The following ACKR5 variants were observed in gnomAD, a reference collection of about 807,000 sequenced individuals.
The protein encoded by ACKR5 is G protein-coupled receptor 182.
chr12:56,994,756 G>A, the ACKR5 span: 2 of 182,942 alleles, frequency 1.1e-5, no homozygotes, highest in African/African-American at 4.7e-5. Context: ...TGTGTGGTGT[G>A]CGTGTGTGTG....
chr12:56,995,926 G>T, the ACKR5 span: 3 of 1,613,040 alleles, frequency 1.9e-6, no homozygotes, highest in Non-Finnish European at 2.5e-6. The surrounding 1 kb of genome is among the most constrained non-coding windows in gnomAD (Gnocchi z 4.7). Context: ...TCTTCAATGT[G>T]CTGACAGCCT....
the ACKR5 span, chr12:56,996,737 GA>G: frequency 3.3e-6 from 1 of 305,416 alleles, no homozygotes; most frequent in Admixed American, 4.5e-5. Flanking sequence ...GAAGGGAGCT[GA>G]GGCTAAAGAG....
the ACKR5 span, chr12:56,995,324 A>T: frequency 6.2e-7 from 1 of 1,614,038 alleles, no homozygotes. The surrounding 1 kb of genome is among the most constrained non-coding windows in gnomAD (Gnocchi z 4.7). Flanking sequence ...CTTCAACCAC[A>T]CTTTGTCTGA....
chr12:56,996,622 G>A, the ACKR5 span: 5 of 531,044 alleles, frequency 9.4e-6, no homozygotes, highest in African/African-American at 3.8e-5. Flanking sequence ...TATTTGTCTC[G>A]GTCCTTGTGT....
chr12:56,998,052 AC>A, the ACKR5 span: 1 of 152,248 alleles, frequency 6.6e-6, no homozygotes, highest in African/African-American at 2.4e-5. Context: ...TGCAGAATTC[AC>A]ATTGAAAAAG....
At chr12:56,995,694 G>A in the ACKR5 span, 1 of 1,613,810 alleles carries the variant, frequency 6.2e-7, no homozygotes, top group South Asian at 1.1e-5. The surrounding 1 kb of genome is among the most constrained non-coding windows in gnomAD (Gnocchi z 4.7). Flanking sequence ...TCCCCCTCCT[G>A]GCAGCGTTAC....
At chr12:56,994,624 C>T in the ACKR5 span, 7 of 155,272 alleles carry the variant, frequency 4.5e-5, no homozygotes, top group Admixed American at 4.4e-4. Context: ...CCTCCAGGAC[C>T]GAGGGGCTCC....
the ACKR5 span, chr12:56,996,460 G>A: frequency 2.6e-6 from 4 of 1,531,212 alleles, no homozygotes; most frequent in Non-Finnish European, 3.5e-6. Flanking sequence ...TGAAGGAAAA[G>A]GCACAGGTGA....
the ACKR5 span, chr12:56,995,667 T>C: frequency 6.2e-7 from 1 of 1,614,000 alleles, no homozygotes; most frequent in Admixed American, 1.7e-5. This position sits in a 1 kb window ranked among gnomAD's most constrained non-coding sequence, Gnocchi z 4.7. Context: ...GACCGCTATG[T>C]CACCCTCACC....
chr12:56,996,541 T>C, the ACKR5 span: 28 of 871,958 alleles, frequency 3.2e-5, no homozygotes, highest in Admixed American at 2.0e-4. Flanking sequence ...TTTGAATCTA[T>C]CTTAAAATAC....
the ACKR5 span, chr12:56,996,335 C>G: frequency 1.1e-5 from 18 of 1,614,076 alleles, no homozygotes; most frequent in Admixed American, 2.0e-4. Context: ...AGCAGCCCCC[C>G]ACCCTGAGCC....
the ACKR5 span, chr12:56,997,751 C>T: frequency 6.6e-6 from 1 of 152,220 alleles, no homozygotes; most frequent in South Asian, 2.1e-4. Context: ...CTTAAGTGCT[C>T]CATGTGTCTG....
At chr12:56,995,099 T>TA in the ACKR5 span, 1 of 941,718 alleles carries the variant, frequency 1.1e-6, no homozygotes, top group Non-Finnish European at 1.6e-6. The surrounding 1 kb of genome is among the most constrained non-coding windows in gnomAD (Gnocchi z 4.7). Context: ...CCCAGAATCT[T>TA]TCCCCAAAGC....
At chr12:56,995,907 T>C in the ACKR5 span, 4 of 1,612,686 alleles carry the variant, frequency 2.5e-6, no homozygotes, top group Non-Finnish European at 3.4e-6. The surrounding 1 kb of genome is among the most constrained non-coding windows in gnomAD (Gnocchi z 4.7). Flanking sequence ...CCCTTCCCTC[T>C]CATCACAGTC....
chr12:56,995,693 T>C, the ACKR5 span: 1 of 1,613,880 alleles, frequency 6.2e-7, no homozygotes, highest in Non-Finnish European at 8.5e-7. The surrounding 1 kb of genome is among the most constrained non-coding windows in gnomAD (Gnocchi z 4.7). Flanking sequence ...CTCCCCCTCC[T>C]GGCAGCGTTA....
chr12:56,996,318 C>A, the ACKR5 span: 1 of 1,614,212 alleles, frequency 6.2e-7, no homozygotes, highest in South Asian at 1.1e-5. Flanking sequence ...GATAGCCAGC[C>A]TGCTGCAGCA....
the ACKR5 span, chr12:56,995,886 G>A: frequency 6.2e-7 from 1 of 1,612,206 alleles, no homozygotes; most frequent in African/African-American, 1.3e-5. The surrounding 1 kb of genome is among the most constrained non-coding windows in gnomAD (Gnocchi z 4.7). Context: ...ACCATCCTGG[G>A]CTTCCTGCTG....
At chr12:56,995,818 C>T in the ACKR5 span, 1 of 1,614,130 alleles carries the variant, frequency 6.2e-7, no homozygotes, top group Non-Finnish European at 8.5e-7. This position sits in a 1 kb window ranked among gnomAD's most constrained non-coding sequence, Gnocchi z 4.7. Flanking sequence ...CCATGTGCCT[C>T]TTCATGGCAC....
At chr12:56,995,475 A>C in the ACKR5 span, 1 of 1,613,788 alleles carries the variant, frequency 6.2e-7, no homozygotes, top group Non-Finnish European at 8.5e-7. The surrounding 1 kb of genome is among the most constrained non-coding windows in gnomAD (Gnocchi z 4.7). Flanking sequence ...GGGCTGATGA[A>C]CCTCTACATC....
Sources: gnomAD v4.1 joint callset for allele counts on GRCh38, gnomAD v4.1.1 for gene constraint, Gnocchi (gnomAD v3.1) non-coding constraint, MANE v1.5 for transcripts, NCBI Gene and HGNC (gene_info 2026-07-23, HGNC 2026-07-21) for gene names.